The following KIAA1217 variants were observed in gnomAD, a reference collection of about 807,000 sequenced individuals.
KIAA1217 encodes the protein KIAA1217, also known as sickle tail protein homolog.
Under a neutral mutation model 163.9 loss-of-function variants are expected in KIAA1217, and 88 were observed. That is an observed-to-expected ratio of 0.54 (90% CI 0.45 to 0.64). The LOEUF (loss-of-function observed/expected upper bound fraction) is 0.64. Among genes scored for constraint, KIAA1217 ranks in the 30% least tolerant of loss-of-function variants. KIAA1217 has a pLI of 0.00. For synonymous variants in KIAA1217, 903 were observed against 923.1 expected, an observed-to-expected ratio of 0.98 and a Z score of 0.39; for missense variants, 2,372 against 2,475.0, an observed-to-expected ratio of 0.96 and a Z score of 0.88.
chr10:24,417,301 C>T (rs547922518), intron 3 of KIAA1217, among the ~76,000 whole-genome samples: 1 of 152,186 alleles, frequency 6.6e-6, no homozygotes, highest in African/African-American at 2.4e-5. Context: ...CCTGGCTGGC[C>T]GTATTTCCAA....
chr10:24,257,131 A>G (rs1251195528), intron 2 of KIAA1217, among the ~76,000 whole-genome samples: 2 of 152,216 alleles, frequency 1.3e-5, no homozygotes, highest in Non-Finnish European at 2.9e-5. Context: ...GGGAAAAGGC[A>G]GTGTAATGAC....
intron 1 of KIAA1217, among the ~76,000 whole-genome samples, chr10:23,707,324 C>G (rs965816812): frequency 6.6e-6 from 1 of 151,976 alleles, no homozygotes; most frequent in Non-Finnish European, 1.5e-5. Flanking sequence ...ACACAGAGAG[C>G]AGGAGGAAGG....
At chr10:23,836,899 G>C (rs113453713) in intron 1 of KIAA1217, among the ~76,000 whole-genome samples, 1 of 146,234 alleles carries the variant, frequency 6.8e-6, no homozygotes, top group Non-Finnish European at 1.5e-5. Context: ...CTCTAGCCTG[G>C]GTGACAGAGT....
intron 1 of KIAA1217, among the ~76,000 whole-genome samples, chr10:23,973,532 A>G (rs995522389): frequency 2.0e-5 from 3 of 152,266 alleles, no homozygotes; most frequent in Non-Finnish European, 4.4e-5. Flanking sequence ...GGGATTGTGC[A>G]GAAATTCTAT....
chr10:24,332,937 G>A (rs2045875228), intron 2 of KIAA1217, among the ~76,000 whole-genome samples: 1 of 152,122 alleles, frequency 6.6e-6, no homozygotes, highest in Non-Finnish European at 1.5e-5. Context: ...AAATGATTAT[G>A]ATTATTTAGA....
chr10:24,500,801 G>T lies in KIAA1217; in HGVS notation c.1835-578G>T, dbSNP rs11014118. Reference sequence around the variant, plus strand: ...GCAGATTTTAGAAATACAAAAAATTGGCCAAGTGCGGTGGTTCACGCCTGT... The same window carrying T: ...GCAGATTTTAGAAATACAAAAAATTTGCCAAGTGCGGTGGTTCACGCCTGT... On this transcript the variant is annotated intron_variant, in intron 8 of 20. Coordinates refer to ENST00000376454, the MANE Select transcript of KIAA1217 (RefSeq NM_019590.5). 1.9e-3 allele frequency among the ~76,000 whole-genome samples: 288 copies of T among 152,194 alleles called. 9 individuals carry two copies. The East Asian group carries it at 0.049, about 26-fold the overall frequency.
chr10:23,713,479 C>A (rs919462895), intron 1 of KIAA1217, among the ~76,000 whole-genome samples: 3 of 152,110 alleles, frequency 2.0e-5, no homozygotes, highest in African/African-American at 7.2e-5. Flanking sequence ...AAAATATTAT[C>A]ATGGTCCTTT....
At chr10:24,349,835 T>A (rs2048235520) in intron 2 of KIAA1217, among the ~76,000 whole-genome samples, 1 of 152,242 alleles carries the variant, frequency 6.6e-6, no homozygotes, top group African/African-American at 2.4e-5. Flanking sequence ...GTTGGCAAGT[T>A]CATGTATAAT....
chr10:23,764,493 G>T (rs1268819323), intron 1 of KIAA1217, among the ~76,000 whole-genome samples: 2 of 152,140 alleles, frequency 1.3e-5, no homozygotes, highest in Non-Finnish European at 2.9e-5. Flanking sequence ...GACACATGCT[G>T]CATATGTTTA....
chr10:23,845,579 G>GT (rs766009300), intron 1 of KIAA1217, among the ~76,000 whole-genome samples: 26 of 152,046 alleles, frequency 1.7e-4, no homozygotes, highest in Non-Finnish European at 3.5e-4. Context: ...CTTTTTGATG[G>GT]TTTTTTCTTT....
intron 2 of KIAA1217, among the ~76,000 whole-genome samples, chr10:24,315,402 G>C (rs2043223325): frequency 6.6e-6 from 1 of 152,324 alleles, no homozygotes; most frequent in South Asian, 2.1e-4. Flanking sequence ...GTGATACCGA[G>C]TGTTGGCACT....
At chr10:24,053,412 G>A (rs543583106) in intron 2 of KIAA1217, among the ~76,000 whole-genome samples, 105 of 151,898 alleles carry the variant, frequency 6.9e-4, no homozygotes, top group African/African-American at 2.0e-3. Flanking sequence ...TATCATATGC[G>A]TTATGAATAT....
chr10:24,075,119 T>TACACACACACACACACAC (rs71397929), intron 2 of KIAA1217, among the ~76,000 whole-genome samples: 9 of 131,500 alleles, frequency 6.8e-5, no homozygotes, highest in African/African-American at 2.4e-4. Context: ...TCCCCCTAAA[T>TACACACACACACACACAC]ACACACACAC....
chr10:23,725,982 C>T (rs1297566122), intron 1 of KIAA1217, among the ~76,000 whole-genome samples: 2 of 151,794 alleles, frequency 1.3e-5, no homozygotes, highest in African/African-American at 2.4e-5. Flanking sequence ...GAAAACTATG[C>T]TTTATGATTT....
intron 1 of KIAA1217, among the ~76,000 whole-genome samples, chr10:23,858,618 T>C (rs1839814160): frequency 6.6e-6 from 1 of 152,080 alleles, no homozygotes; most frequent in African/African-American, 2.4e-5. Context: ...AATGATTCTG[T>C]TAGTATAATC....
chr10:24,354,758 G>A (rs1591256267), intron 2 of KIAA1217, among the ~76,000 whole-genome samples: 1 of 152,120 alleles, frequency 6.6e-6, no homozygotes, highest in East Asian at 1.9e-4. Context: ...CTGCTCTTCT[G>A]CTCCTCTGCT....
chr10:24,438,293 A>G (rs1000045563), intron 4 of KIAA1217, 93 bp from the exon 5 acceptor site: 2 of 828,256 alleles, frequency 2.4e-6, no homozygotes, highest in Non-Finnish European at 4.2e-6. Context: ...TTGTCTGTTC[A>G]TGTTTTTTAC....
Position 24,346,568 on chromosome 10 carries a change from C to CTTTT in KIAA1217, c.355-34284_355-34281dup, listed in dbSNP as rs1177259021. 4.3e-3 allele frequency among the ~76,000 whole-genome samples: 515 copies of CTTTT among 121,012 alleles called. 34 individuals carry two copies. The East Asian group carries it at 0.074, about 17-fold the overall frequency. 79.4% of individuals were successfully genotyped at this position (121,012 alleles called of 152,430 possible). A position where few individuals can be genotyped will look rare whatever the true frequency, so the allele number is the denominator to read the frequency against. On this transcript the variant is annotated intron_variant, in intron 2 of 20. Transcript: ENST00000376454. ...TTTGGTATTTTGGGTTTTGTTGGCC[C>CTTTT]TTTTTTTTTTTTTTTTTTTTGGAGG...
intron 2 of KIAA1217, among the ~76,000 whole-genome samples, chr10:24,068,508 A>G (rs757290469): frequency 6.6e-6 from 1 of 152,078 alleles, no homozygotes; most frequent in Admixed American, 6.5e-5. Context: ...AGTTTGAATC[A>G]TGTTTCTGTT....
Sources: gnomAD v4.1 joint callset for allele counts (sites outside exome capture counted in the v4.1 genomes callset) on GRCh38, gnomAD v4.1.1 for gene constraint, MANE v1.5 for transcripts, NCBI Gene and HGNC (gene_info 2026-07-23, HGNC 2026-07-21) for gene names.